The following ABCA13 variants were observed in gnomAD, a reference collection of about 807,000 sequenced individuals.
ABCA13 encodes ATP-binding cassette sub-family A member 13.
Under a neutral mutation model 478.7 loss-of-function variants are expected in ABCA13, and 476 were observed. The ratio of observed to expected loss-of-function variants is 0.99; its 90% confidence interval spans 0.92 to 1.07. The LOEUF (loss-of-function observed/expected upper bound fraction) is 1.07, where lower values mean the gene tolerates loss of function less well. Ranked by LOEUF, ABCA13 falls within the 50% of genes least tolerant of loss-of-function variation. The probability of loss-of-function intolerance (pLI) is 0.00; values close to 1 mark genes in which losing one functional copy is unlikely to be tolerated. For synonymous variants in ABCA13, 2,252 were observed against 2,158.9 expected, an observed-to-expected ratio of 1.04 and a Z score of -1.20; for missense variants, 6,060 against 5,910.6, an observed-to-expected ratio of 1.03 and a Z score of -0.83.
chr7:48,351,436 G>A (rs945646344), intron 30 of ABCA13, among the ~76,000 whole-genome samples: 53 of 152,206 alleles, frequency 3.5e-4, no homozygotes, highest in African/African-American at 1.0e-3. Flanking sequence ...AGATATTCCG[G>A]ATGGAGACAT....
chr7:48,528,671 G>A (rs1415891983), intron 55 of ABCA13, among the ~76,000 whole-genome samples: 2 of 152,126 alleles, frequency 1.3e-5, no homozygotes, highest in Admixed American at 1.3e-4. Context: ...TGGCCAAGGG[G>A]TGGTTCTTCT....
intron 45 of ABCA13, among the ~76,000 whole-genome samples, chr7:48,478,605 G>A (rs1334435318): frequency 1.3e-5 from 2 of 152,070 alleles, no homozygotes; most frequent in Admixed American, 6.5e-5. Flanking sequence ...GTTATGGCGG[G>A]AGAAGACGCA....
intron 51 of ABCA13, among the ~76,000 whole-genome samples, chr7:48,512,403 T>C (rs1185615770): frequency 6.6e-6 from 1 of 152,226 alleles, no homozygotes; most frequent in African/African-American, 2.4e-5. Context: ...CTTTAGAAGA[T>C]GTAATATCCT....
Position 48,295,779 on chromosome 7 carries a change from G to C in ABCA13, c.9035G>C (p.Ser3012Thr). Residue 3012 changes from serine (S) to threonine (T), a missense_variant, in exon 21 of 62, where the codon AGC becomes ACC. Coordinates refer to ENST00000435803, the MANE Select transcript of ABCA13 (RefSeq NM_152701.5). ...AAGAATCTTTCTAGCACCTTGGAGA[G>C]CTTCAAGAGCAGCTTGGAAAATGCC... ...LSKNLSSTLE[S>T]FKSSLENATG... is the part of the protein sequence containing the mutation. 6.2e-7 allele frequency: 1 copy of C among 1,614,036 alleles called. No homozygotes were observed. Among genetic ancestry groups the C allele is most frequent in the South Asian group, 1.1e-5 (1 of 91,086 alleles).
Position 48,274,016 on chromosome 7 carries a change from A to C in ABCA13, c.4350A>C (p.Ser1450=). ...WVLNIKKPLC[S]SNGSHINCVN... is the part of the protein sequence containing the mutation. ...TAAATATAAAAAAACCTCTTTGTTC[A>C]TCAAATGGCTCACATATAAATTGTG... The change falls in exon 17 of 62, where the codon TCA becomes TCC. Residue 1450 remains serine, a synonymous_variant. Transcript: ENST00000435803. The C allele has an allele frequency of 6.2e-7, 1 of 1,606,586 alleles. No individual in the cohort carries two copies. The highest frequency in any genetic ancestry group is 8.5e-7 in the Non-Finnish European group (1 of 1,174,488).
At position 48,275,818 on chromosome 7, in the gene ABCA13, C is replaced by T. The variant is rs1796226810; in HGVS notation, c.6152C>T (p.Thr2051Ile). Residue 2051 changes from threonine to isoleucine, a missense_variant, in exon 17 of 62, where the codon ACA becomes ATA. Thr to Ile is a moderately conservative substitution (Grantham distance 89, BLOSUM62 -1). Coordinates refer to ENST00000435803, the MANE Select transcript of ABCA13 (RefSeq NM_152701.5). ...ALSSFIEKSE[T>I]PYNFEELWPK... ...TCAAGTTTTATTGAAAAAAGTGAAA[C>T]ACCTTACAACTTTGAAGAACTATGG... is the stretch of plus-strand genomic sequence containing the variant. The T allele has an allele frequency of 1.2e-6, 2 of 1,612,426 alleles. No homozygotes were observed. The highest frequency in any genetic ancestry group is 1.7e-5 in the Admixed American group (1 of 59,810).
chr7:48,532,720 G>T (rs556160887), intron 55 of ABCA13, among the ~76,000 whole-genome samples: 1 of 151,902 alleles, frequency 6.6e-6, no homozygotes, highest in Admixed American at 6.6e-5. Flanking sequence ...TTTCTTCCTG[G>T]TTTAATCTAG....
intron 15 of ABCA13, among the ~76,000 whole-genome samples, chr7:48,267,201 G>A (rs1794981608): frequency 6.6e-6 from 1 of 152,026 alleles, no homozygotes; most frequent in African/African-American, 2.4e-5. Flanking sequence ...CAAGTTGTTT[G>A]ATAGTATTGT....
At chr7:48,241,562 A>G (rs1234514214) in intron 10 of ABCA13, among the ~76,000 whole-genome samples, 2 of 152,228 alleles carry the variant, frequency 1.3e-5, no homozygotes, top group African/African-American at 4.8e-5. Flanking sequence ...GATAACCACA[A>G]TTGATTCACC....
intron 23 of ABCA13, among the ~76,000 whole-genome samples, chr7:48,307,474 T>G (rs997976141): frequency 1.3e-5 from 2 of 152,196 alleles, no homozygotes; most frequent in African/African-American, 4.8e-5. Flanking sequence ...TATGGGGCAC[T>G]TGGCATGAAT....
At chr7:48,242,690 C>T (rs1025431406) in intron 10 of ABCA13, among the ~76,000 whole-genome samples, 2 of 152,188 alleles carry the variant, frequency 1.3e-5, no homozygotes, top group African/African-American at 4.8e-5. Context: ...CTGCCCTCCT[C>T]GGCCTCCCAA....
At chr7:48,204,771 C>T (rs1003305852) in intron 3 of ABCA13, among the ~76,000 whole-genome samples, 1 of 152,190 alleles carries the variant, frequency 6.6e-6, no homozygotes, top group African/African-American at 2.4e-5. Context: ...GGTCAGCTAC[C>T]TGCTCGCGAT....
intron 58 of ABCA13, 89 bp from the exon 59 acceptor site, chr7:48,615,196 A>G: frequency 2.6e-6 from 2 of 779,216 alleles, no homozygotes; most frequent in South Asian, 4.8e-5. Flanking sequence ...CCCTAATGGT[A>G]TCTTGTCTCC....
chr7:48,534,923 T>G (rs1833469273), intron 55 of ABCA13, among the ~76,000 whole-genome samples: 1 of 152,172 alleles, frequency 6.6e-6, no homozygotes, highest in South Asian at 2.1e-4. Context: ...TGTATTATAT[T>G]TTTGATTTAT....
At chr7:48,199,954 G>T (rs1798439123) in intron 3 of ABCA13, among the ~76,000 whole-genome samples, 1 of 152,196 alleles carries the variant, frequency 6.6e-6, no homozygotes, top group African/African-American at 2.4e-5. Flanking sequence ...TTCAAGTGTT[G>T]TGAATGTTAA....
intron 27 of ABCA13, among the ~76,000 whole-genome samples, chr7:48,327,408 G>A (rs1010029594): frequency 7.9e-5 from 12 of 152,098 alleles, no homozygotes; most frequent in African/African-American, 2.7e-4. Context: ...GGGATTAGGG[G>A]AAGTACAATT....
At chr7:48,355,353 A>T (rs773765301) in intron 31 of ABCA13, among the ~76,000 whole-genome samples, 15 of 151,938 alleles carry the variant, frequency 9.9e-5, no homozygotes, top group Non-Finnish European at 2.1e-4. Context: ...CTGTGGTAGG[A>T]GTGGCCTAGG....
intron 41 of ABCA13, among the ~76,000 whole-genome samples, chr7:48,418,211 A>G (rs4917136): frequency 0.66 from 99,926 of 152,060 alleles, 32,923 homozygotes; most frequent in Middle Eastern, 0.72. Flanking sequence ...TAAGACTGCA[A>G]CTGCTGTATC....
At chr7:48,524,485 A>G in intron 54 of ABCA13, 45 bp downstream of exon 54, 1 of 1,522,306 alleles carries the variant, frequency 6.6e-7, no homozygotes, top group South Asian at 1.2e-5. Flanking sequence ...GTGAACCTGT[A>G]CAACTCTAGT....
Sources: gnomAD v4.1 joint callset for allele counts (sites outside exome capture counted in the v4.1 genomes callset) on GRCh38, gnomAD v4.1.1 for gene constraint, MANE v1.5 for transcripts, NCBI Gene and HGNC (gene_info 2026-07-23, HGNC 2026-07-21) for gene names.